The following GUCD1 variants were observed in gnomAD, a reference collection of about 807,000 sequenced individuals.
The protein encoded by GUCD1 is protein GUCD1.
In GUCD1, 17 loss-of-function variants were observed where a neutral mutation model predicts 28.3. That is an observed-to-expected ratio of 0.60 (90% CI 0.41 to 0.90). GUCD1 has a LOEUF of 0.90. GUCD1 is among the 40% of genes least tolerant of loss of function. GUCD1 has a pLI of 0.00. For missense variants in GUCD1, 279 were observed against 305.5 expected, an observed-to-expected ratio of 0.91 and a Z score of 0.65; for synonymous variants, 129 against 123.3, an observed-to-expected ratio of 1.05 and a Z score of -0.30.
chr22:24,543,924 G>A lies in GUCD1; in HGVS notation c.546C>T (p.Asp182=). 6.2e-7 allele frequency: 1 copy of A among 1,614,098 alleles called. No individual in the cohort carries two copies. The highest frequency in any genetic ancestry group is 8.5e-7 in the Non-Finnish European group (1 of 1,179,974). ...GCAGCACGATGAAGTGGCCCTGGTA[G>A]TCAGGAGTGCGGCAGAAGCAGTGGT... ...SGHHCFCRTP[D]YQGHFIVLRG... Residue 182 remains aspartate (D), a synonymous_variant, in exon 5 of 6, where the codon GAC becomes GAT. Transcript: ENST00000435822.
chr22:24,543,758 T>C, intron 5 of GUCD1, 84 bp downstream of exon 5: 5 of 1,529,844 alleles, frequency 3.3e-6, no homozygotes, highest in Non-Finnish European at 4.5e-6. Flanking sequence ...CACACTAGAT[T>C]GAATGGGTGG....
chr22:24,552,748 C>T (rs1322632059), intron 1 of GUCD1, among the ~76,000 whole-genome samples: 4 of 145,582 alleles, frequency 2.7e-5, no homozygotes, highest in African/African-American at 2.6e-5. Context: ...ACAGCCTGGG[C>T]GACAGAGTGA....
rs1053785166 is a variant in GUCD1 at position 24,555,105 on chromosome 22, G to A, written c.-114C>T. 3.1e-6 allele frequency: 4 copies of A among 1,311,232 alleles called. No homozygotes were observed. Among genetic ancestry groups the A allele is most frequent in the Non-Finnish European group, 3.9e-6 (4 of 1,028,628 alleles). 81.2% of individuals were successfully genotyped at this position (1,311,232 alleles called of 1,614,324 possible). ...GTCGAGTTCCTTCTCCGCCACCGCC[G>A]CCGCTGCGGAGGAGAGAACGGGAGG... On this transcript the variant is annotated 5_prime_UTR_variant, in exon 1 of 6. Transcript: ENST00000435822.
chr22:24,545,003 C>T (rs756690202), intron 4 of GUCD1, among the ~76,000 whole-genome samples: 33 of 149,924 alleles, frequency 2.2e-4, no homozygotes, highest in Non-Finnish European at 3.7e-4. Flanking sequence ...GCCTGTATGA[C>T]AGATTAAGAC....
rs1191430658 is a variant in GUCD1, at chr22:24,548,939, C to T, written c.106G>A (p.Ala36Thr). 1.9e-6 allele frequency: 3 copies of T among 1,583,276 alleles called. No individual in the cohort carries two copies. The highest frequency in any genetic ancestry group is 2.6e-6 in the Non-Finnish European group (3 of 1,164,424). ...CACCGCAGCACCATCCTGGAGCAGG[C>T]CAGGCCACAGTCCCAGTGGTAGAGC... is the stretch of plus-strand genomic sequence containing the variant. ...QQLYHWDCGL[A>T]CSRMVLRYLG... is the part of the protein sequence containing the mutation. Residue 36 changes from alanine (A) to threonine (T), a missense_variant, in exon 2 of 6, where the codon GCC becomes ACC. Ala to Thr is a moderately conservative substitution (Grantham distance 58, BLOSUM62 0). Coordinates refer to ENST00000435822, the MANE Select transcript of GUCD1 (RefSeq NM_001284254.2).
rs375448753 is a variant in GUCD1, at chr22:24,546,968, C to T, written c.332G>A (p.Arg111Gln). The T allele has an allele frequency of 3.7e-6, 6 of 1,613,980 alleles. No individual in the cohort carries two copies. Among genetic ancestry groups the T allele is most frequent in the Non-Finnish European group, 5.1e-6 (6 of 1,180,032 alleles). The change falls in exon 4 of 6, where the codon CGG (arginine) becomes CAG (glutamine). Residue 111 changes from arginine to glutamine, a missense_variant. Coordinates refer to ENST00000435822, the MANE Select transcript of GUCD1 (RefSeq NM_001284254.2). The stretch of plus-strand genomic sequence containing the variant: ...TGCTTGTGCAAACAGCTGATTCACC[C>T]GGGTCTCTTCTGTGTCAAAGTGCTT... ...YRKHFDTEET[R>Q]VNQLFAQAKA...
Position 24,542,318 on chromosome 22 carries a change from GC to G in GUCD1, c.*687del, listed in dbSNP as rs1188122029. On this transcript the variant is annotated 3_prime_UTR_variant, in exon 6 of 6. Transcript: ENST00000435822. ...CTACCAGTGGGATCTAGGCCCGAGA[GC>G]CCTCCATCTGACAGAGCTGGAGGAC... 1 of 152,316 alleles carries G rather than the reference GC, an allele frequency of 6.6e-6. No individual in the cohort carries two copies. The highest frequency in any genetic ancestry group is 2.4e-5 in the African/African-American group (1 of 41,472). The allele number at this position is 152,316 out of a possible 1,614,324, so 9.4% of individuals were successfully genotyped here. A position where few individuals can be genotyped will look rare whatever the true frequency, so the allele number is the denominator to read the frequency against.
Position 24,547,079 on chromosome 22 carries a change from G to A in GUCD1, c.295-74C>T, listed in dbSNP as rs889002455. ...ACTCCATTTAGATGAAGGAAATAAA[G>A]AGCGTGTTACAGAGGCAGAGACAGC... On this transcript the variant is annotated intron_variant, in intron 3 of 5. Transcript: ENST00000435822. The A allele has an allele frequency of 6.7e-6, 8 of 1,196,668 alleles. No individual in the cohort carries two copies. The South Asian group carries it at 8.5e-5, about 13-fold the overall frequency. The allele number at this position is 1,196,668 out of a possible 1,614,324, so 74.1% of individuals were successfully genotyped here. A position where few individuals can be genotyped will look rare whatever the true frequency, so the allele number is the denominator to read the frequency against.
In GUCD1 at chr22:24,545,019, C is replaced by A. The variant is rs1212263125; in HGVS notation, c.387-936G>T. On this transcript the variant is annotated intron_variant, in intron 4 of 5. Transcript: ENST00000435822. The stretch of plus-strand genomic sequence containing the variant: ...CCTGTATGACAGATTAAGACCCTGT[C>A]TCTTAAAAAAAAAAAAAAGAAAAGA... 3.2e-4 allele frequency among the ~76,000 whole-genome samples: 48 copies of A among 149,050 alleles called. 1 individual carries two copies. Among genetic ancestry groups the A allele is most frequent in the Admixed American group, 2.1e-3 (31 of 15,062 alleles).
exon 1 of GUCD1, chr22:24,555,131 CGGCGGCTGGGCCGCCCCAAGCG>C (rs1291342988): frequency 7.7e-7 from 1 of 1,301,972 alleles, no homozygotes; most frequent in Non-Finnish European, 9.7e-7. Context: ...GAACGGGAGG[CGGCGGCTGGGCCGCCCCAAGCG>C]CCGCCCCAGC....
chr22:24,555,675 C>T (rs1408037296), upstream of GUCD1: 8 of 1,550,578 alleles, frequency 5.2e-6, no homozygotes, highest in South Asian at 2.4e-5. Context: ...TTGGCCCAAC[C>T]TCCTGCTGTC....
upstream of GUCD1, chr22:24,555,730 G>T: frequency 6.4e-7 from 1 of 1,550,662 alleles, no homozygotes; most frequent in South Asian, 1.2e-5. Context: ...TTGCCGTCCA[G>T]CCTGTCCTTG....
chr22:24,549,022 G>A, intron 1 of GUCD1, 21 bp from the exon 2 acceptor site: 1 of 1,437,846 alleles, frequency 7.0e-7, no homozygotes, highest in Non-Finnish European at 9.6e-7. Flanking sequence ...ACAGAGGGAG[G>A]TCACAGACCC....
chr22:24,543,225 A>C, intron 5 of GUCD1, 128 bp from the exon 6 acceptor site: 1 of 685,938 alleles, frequency 1.5e-6, no homozygotes, highest in South Asian at 1.6e-5. Context: ...TCTCAACTCA[A>C]GTCCTCCACC....
chr22:24,550,462 C>T (rs771949595), intron 1 of GUCD1, among the ~76,000 whole-genome samples: 14 of 152,224 alleles, frequency 9.2e-5, no homozygotes, highest in Non-Finnish European at 1.9e-4. Flanking sequence ...GTAGCCACCT[C>T]ATGAACCTGG....
chr22:24,546,902 T>TG lies in GUCD1; in HGVS notation c.386+11dup, dbSNP rs757454385. ...TGAGAGGAAGGGCAGGTAGGAAAGT[T>TG]GGGGGGCTCACCATTTCTCCACCAG... On this transcript the variant is annotated intron_variant, in intron 4 of 5. Transcript: ENST00000435822. 2 of 1,611,770 alleles carry TG rather than the reference T, an allele frequency of 1.2e-6. No homozygotes were observed. The highest frequency in any genetic ancestry group is 3.3e-5 in the Admixed American group (2 of 60,000).
In GUCD1 at chr22:24,542,274, C is replaced by G. The variant is rs1569005731; in HGVS notation, c.*732G>C. ...AGGGCAGCTGTTTATTCCCAGAGCA[C>G]TGCTGCCAGCCACGAGGCCTACCAG... On this transcript the variant is annotated 3_prime_UTR_variant, in exon 6 of 6. Coordinates refer to ENST00000435822, the MANE Select transcript of GUCD1 (RefSeq NM_001284254.2). 1 of 152,298 alleles carries G rather than the reference C, an allele frequency of 6.6e-6. No individual in the cohort carries two copies. Among genetic ancestry groups the G allele is most frequent in the Non-Finnish European group, 1.5e-5 (1 of 68,076 alleles). 9.4% of individuals were successfully genotyped at this position (152,298 alleles called of 1,614,324 possible). A position where few individuals can be genotyped will look rare whatever the true frequency, so the allele number is the denominator to read the frequency against.
At position 24,548,030 on chromosome 22, in the gene GUCD1, G is replaced by T. The variant is rs750740317; in HGVS notation, c.172C>A (p.Gln58Lys). The T allele has an allele frequency of 1.2e-6, 2 of 1,614,138 alleles. No homozygotes were observed. The highest frequency in any genetic ancestry group is 4.5e-5 in the East Asian group (2 of 44,886). Residue 58 changes from glutamine (Q) to lysine (K), a missense_variant, in exon 3 of 6, where the codon CAG becomes AAG. Transcript: ENST00000435822. The part of the protein sequence containing the change: ...LDDSEFERAL[Q>K]KLQLTRSIWT... ...ATGCTCCTGGTCAGCTGCAGCTTCT[G>T]CAGGGCTCTCTCAAACTCACTGTCG...
upstream of GUCD1, chr22:24,555,812 C>T: frequency 4.5e-6 from 7 of 1,547,570 alleles, no homozygotes; most frequent in African/African-American, 1.4e-5. Flanking sequence ...GCGGCGGCCC[C>T]CGGGCCCAGT....
Sources: gnomAD v4.1 joint callset for allele counts (sites outside exome capture counted in the v4.1 genomes callset) on GRCh38, gnomAD v4.1.1 for gene constraint, MANE v1.5 for transcripts, NCBI Gene and HGNC (gene_info 2026-07-23, HGNC 2026-07-21) for gene names.